The following DIAPH2 variants were observed in gnomAD, a reference collection of about 807,000 sequenced individuals.
The protein encoded by DIAPH2 is protein diaphanous homolog 2.
Under a neutral mutation model 92.7 loss-of-function variants are expected in DIAPH2, and 35 were observed. The ratio of observed to expected loss-of-function variants is 0.38; its 90% confidence interval spans 0.29 to 0.50. DIAPH2 has a LOEUF of 0.50. Among genes scored for constraint, DIAPH2 ranks in the 20% least tolerant of loss-of-function variants. The probability of loss-of-function intolerance (pLI) is 0.94; values close to 1 mark genes in which losing one functional copy is unlikely to be tolerated. For missense variants in DIAPH2, 701 were observed against 819.5 expected (o/e 0.86, Z 1.77); for synonymous variants, 301 against 280.4 (o/e 1.07, Z -0.73).
chrX:97,076,704 G>T (rs1228973335), intron 19 of DIAPH2, among the ~76,000 whole-genome samples: 1 of 111,330 alleles, frequency 9.0e-6, no homozygotes, highest in African/African-American at 3.3e-5. Flanking sequence ...TGGATTGTAG[G>T]CTTACATTAA....
At chrX:96,755,608 G>C (rs781298799) in intron 3 of DIAPH2, among the ~76,000 whole-genome samples, 5 of 109,857 alleles carry the variant, frequency 4.6e-5, no homozygotes, top group African/African-American at 1.3e-4. Context: ...AGCCGAGATC[G>C]CGCCACTGCA....
chrX:96,865,169 G>T (rs1430304814), intron 4 of DIAPH2, among the ~76,000 whole-genome samples: 1 of 112,110 alleles, frequency 8.9e-6, no homozygotes, highest in Non-Finnish European at 1.9e-5. Flanking sequence ...GCCTCCAAAA[G>T]ACTAAAACAT....
At chrX:97,303,297 T>A (rs2068721959) in intron 23 of DIAPH2, among the ~76,000 whole-genome samples, 1 of 111,754 alleles carries the variant, frequency 8.9e-6, no homozygotes, top group Non-Finnish European at 1.9e-5. Flanking sequence ...GTTTTTCAAT[T>A]CCATCCTGAT....
In DIAPH2 at chrX:96,889,920, A is replaced by G. The variant is rs767761679; in HGVS notation, c.587+8202A>G. On this transcript the variant is annotated intron_variant, in intron 5 of 26. Coordinates refer to ENST00000324765, the MANE Select transcript of DIAPH2 (RefSeq NM_006729.5). ...TCAAGGAGGCTAGCATGCTGGAAGCAGATAATGTAGAGCCTTATTGACCAT... is the reference window on the plus strand; with the variant it reads ...TCAAGGAGGCTAGCATGCTGGAAGCGGATAATGTAGAGCCTTATTGACCAT... Among the ~76,000 whole-genome samples, 4 of 112,465 alleles carry G rather than the reference A, an allele frequency of 3.6e-5. No individual in the cohort carries two copies. In the South Asian group the frequency reaches 1.5e-3, roughly 42 times the overall value.
intron 23 of DIAPH2, among the ~76,000 whole-genome samples, chrX:97,311,287 C>G (rs1223550636): frequency 2.7e-5 from 3 of 111,224 alleles, no homozygotes. Flanking sequence ...GAAAAGTAGC[C>G]GAATACCTAG....
intron 3 of DIAPH2, among the ~76,000 whole-genome samples, chrX:96,752,612 G>T (rs1188931814): frequency 1.8e-5 from 2 of 111,596 alleles, no homozygotes; most frequent in African/African-American, 6.5e-5. Context: ...GCACAGTCTT[G>T]AAGTATAATA....
rs796622803 is a variant in DIAPH2 at position 96,914,668 on chromosome X, C to CT, written c.733-1759dup. ...ATAATAGTAAGATTCTTATAGAGCC[C>CT]TTTTTTTTTTTAACAGAACATACTT... On this transcript the variant is annotated intron_variant, in intron 7 of 26. Coordinates refer to ENST00000324765, the MANE Select transcript of DIAPH2 (RefSeq NM_006729.5). Among the ~76,000 whole-genome samples the CT allele has an allele frequency of 4.9e-3, 501 of 102,770 alleles. 2 individuals are homozygous for CT. The highest frequency in any genetic ancestry group is 0.014 in the African/African-American group (414 of 28,623). The allele number at this position is 102,770 out of a possible 115,157, so 89.2% of individuals were successfully genotyped here. A position where few individuals can be genotyped will look rare whatever the true frequency, so the allele number is the denominator to read the frequency against.
intron 22 of DIAPH2, among the ~76,000 whole-genome samples, chrX:97,241,855 A>C (rs1396179119): frequency 2.1e-5 from 2 of 97,073 alleles, no homozygotes; most frequent in Non-Finnish European, 4.1e-5. Flanking sequence ...GGCTCACTGC[A>C]ACCTTTGCCT....
chrX:97,275,562 G>A (rs1256761777), intron 23 of DIAPH2, among the ~76,000 whole-genome samples: 3 of 106,959 alleles, frequency 2.8e-5, no homozygotes, highest in African/African-American at 1.0e-4. Flanking sequence ...CTTCTCAGAC[G>A]GGGCGGCTGC....
intron 4 of DIAPH2, among the ~76,000 whole-genome samples, chrX:96,759,845 C>G (rs1384673577): frequency 9.0e-6 from 1 of 111,554 alleles, no homozygotes; most frequent in Non-Finnish European, 1.9e-5. Flanking sequence ...TTCATTTATT[C>G]TCATATTATT....
chrX:97,106,289 C>A (rs909898194), intron 20 of DIAPH2, among the ~76,000 whole-genome samples: 3 of 111,394 alleles, frequency 2.7e-5, no homozygotes, highest in African/African-American at 9.8e-5. Context: ...CTAGTTCTTA[C>A]TTCTAGATAT....
intron 26 of DIAPH2, among the ~76,000 whole-genome samples, chrX:97,583,246 C>A (rs577932500): frequency 9.0e-6 from 1 of 111,250 alleles, no homozygotes; most frequent in African/African-American, 3.3e-5. Flanking sequence ...GGAGGAGAGG[C>A]GCTCTGATTT....
At chrX:97,119,905 C>G (rs1213154611) in intron 21 of DIAPH2, among the ~76,000 whole-genome samples, 1 of 111,841 alleles carries the variant, frequency 8.9e-6, no homozygotes, top group African/African-American at 3.2e-5. Flanking sequence ...CCCCCACTAA[C>G]AGCAACGAGT....
At chrX:96,923,442 C>T (rs1164480806) in intron 9 of DIAPH2, among the ~76,000 whole-genome samples, 2 of 111,998 alleles carry the variant, frequency 1.8e-5, no homozygotes, top group African/African-American at 6.5e-5. Flanking sequence ...AAAAATAAAA[C>T]AAAAATTAAA....
intron 25 of DIAPH2, among the ~76,000 whole-genome samples, chrX:97,393,840 A>G (rs1407338148): frequency 8.9e-6 from 1 of 112,014 alleles, no homozygotes; most frequent in Non-Finnish European, 1.9e-5. Flanking sequence ...TATTAATTTA[A>G]TCAGGAAGAG....
At chrX:97,474,986 C>G (rs188636661) in intron 26 of DIAPH2, among the ~76,000 whole-genome samples, 2 of 110,035 alleles carry the variant, frequency 1.8e-5, no homozygotes, top group East Asian at 2.9e-4. Flanking sequence ...GACCTCCCCC[C>G]ACCCTCCACT....
At chrX:96,922,786 G>A (rs1291252828) in intron 9 of DIAPH2, among the ~76,000 whole-genome samples, 1 of 111,755 alleles carries the variant, frequency 8.9e-6, no homozygotes, top group African/African-American at 3.2e-5. Context: ...GGAACACTTT[G>A]CCTGAAATAC....
At chrX:97,325,767 C>T (rs910950588) in intron 23 of DIAPH2, among the ~76,000 whole-genome samples, 3 of 110,335 alleles carry the variant, frequency 2.7e-5, no homozygotes, top group Non-Finnish European at 3.8e-5. Flanking sequence ...TTAGTAGAGA[C>T]GGGGTTTCAC....
chrX:97,230,672 C>G (rs958339440), intron 22 of DIAPH2, among the ~76,000 whole-genome samples: 6 of 111,960 alleles, frequency 5.4e-5, no homozygotes. Flanking sequence ...CTCAGCCTCC[C>G]AAGTAGCTGG....
Sources: gnomAD v4.1 joint callset for allele counts (sites outside exome capture counted in the v4.1 genomes callset) on GRCh38, gnomAD v4.1.1 for gene constraint, MANE v1.5 for transcripts, NCBI Gene and HGNC (gene_info 2026-07-23, HGNC 2026-07-21) for gene names.